TNS1: variants seen among roughly 807,000 people sequenced by gnomAD.
TNS1 encodes tensin 1.
Under a neutral mutation model 168.6 loss-of-function variants are expected in TNS1, and 62 were observed. The ratio of observed to expected loss-of-function variants is 0.37; its 90% CI spans 0.30 to 0.45. The LOEUF is 0.45. Ranked by LOEUF, TNS1 falls within the 20% of genes least tolerant of loss-of-function variation. The pLI is 1.00. For missense variants in TNS1, 2,240 were observed against 2,339.4 expected, an observed-to-expected ratio of 0.96 and a Z score of 0.88; for synonymous variants, 934 against 933.2, an observed-to-expected ratio of 1.00 and a Z score of -0.02.
chr2:217,943,158 G>A (rs1163545200), intron 3 of TNS1, among the ~76,000 whole-genome samples: 1 of 152,204 alleles, frequency 6.6e-6, no homozygotes. Flanking sequence ...TCTGCCCAGA[G>A]GGGTGAGGAA....
intron 10 of TNS1, 69 bp from the exon 11 acceptor site, chr2:217,893,081 A>G: frequency 2.5e-6 from 4 of 1,586,696 alleles, no homozygotes; most frequent in Admixed American, 1.7e-5. Flanking sequence ...GCTTATCTAG[A>G]AGCCTTGGTG....
At chr2:217,879,271 G>A (rs1292346889) in intron 18 of TNS1, 1 of 338,818 alleles carries the variant, frequency 3.0e-6, no homozygotes, top group Non-Finnish European at 5.9e-6. Flanking sequence ...GCACCAAGAA[G>A]AGATGGAGAG....
At chr2:217,929,525 C>T (rs1051139721) in intron 3 of TNS1, among the ~76,000 whole-genome samples, 1 of 152,166 alleles carries the variant, frequency 6.6e-6, no homozygotes. Context: ...GGCAAGGCCA[C>T]AGGGAAGCAC....
At chr2:217,811,080 A>G (rs1041571377) in intron 28 of TNS1, among the ~76,000 whole-genome samples, 4 of 152,044 alleles carry the variant, frequency 2.6e-5, no homozygotes, top group African/African-American at 4.8e-5. Flanking sequence ...GGGTCTTCTG[A>G]TATTCTACAG....
chr2:217,843,199 A>G (rs571416997), intron 19 of TNS1, among the ~76,000 whole-genome samples: 25 of 151,546 alleles, frequency 1.6e-4, no homozygotes, highest in African/African-American at 5.3e-4. Flanking sequence ...ATTTCCCTCT[A>G]TCTTTATCTA....
intron 18 of TNS1, among the ~76,000 whole-genome samples, chr2:217,866,603 C>T (rs1415578814): frequency 9.2e-5 from 14 of 152,212 alleles, no homozygotes; most frequent in Admixed American, 9.2e-4. Flanking sequence ...CAGTGAAATG[C>T]TGAAACTTAA....
intron 3 of TNS1, among the ~76,000 whole-genome samples, chr2:217,931,010 G>A (rs896838795): frequency 6.6e-6 from 1 of 152,138 alleles, no homozygotes; most frequent in African/African-American, 2.4e-5. Flanking sequence ...TGACAGGCGT[G>A]GGGAGCGAGA....
intron 2 of TNS1, among the ~76,000 whole-genome samples, chr2:217,983,480 G>GAATCT (rs1321771439): frequency 6.6e-6 from 1 of 152,138 alleles, no homozygotes; most frequent in Non-Finnish European, 1.5e-5. Context: ...CCCTTAGTGG[G>GAATCT]AAGGGACCCT....
intron 2 of TNS1, among the ~76,000 whole-genome samples, chr2:217,984,904 C>A (rs1268682037): frequency 1.3e-5 from 2 of 151,736 alleles, no homozygotes; most frequent in African/African-American, 4.8e-5. Context: ...TACAGGTGCT[C>A]GCCACCATAC....
chr2:217,852,153 AG>A (rs1297887386), intron 18 of TNS1, among the ~76,000 whole-genome samples: 2 of 152,116 alleles, frequency 1.3e-5, no homozygotes, highest in South Asian at 4.2e-4. Context: ...TCAAAAAAAA[AG>A]AAGAGACCCC....
chr2:217,818,782 G>C (rs752365508), intron 23 of TNS1, 23 bp from the exon 24 acceptor site: 4 of 1,573,416 alleles, frequency 2.5e-6, no homozygotes, highest in Non-Finnish European at 3.5e-6. Flanking sequence ...GGCAGGTTGC[G>C]ATGTCAGTGG....
intron 3 of TNS1, among the ~76,000 whole-genome samples, chr2:217,976,774 C>T (rs913194291): frequency 1.3e-5 from 2 of 152,246 alleles, no homozygotes; most frequent in African/African-American, 4.8e-5. Flanking sequence ...CAATCAGACC[C>T]TTCACTGCCC....
intron 19 of TNS1, among the ~76,000 whole-genome samples, chr2:217,844,571 C>T (rs139847091): frequency 6.6e-5 from 10 of 152,290 alleles, no homozygotes; most frequent in Non-Finnish European, 1.3e-4. Context: ...CCAGTGATCC[C>T]GTTTACTTTC....
At chr2:217,844,887 C>T (rs952552456) in intron 19 of TNS1, among the ~76,000 whole-genome samples, 2 of 152,198 alleles carry the variant, frequency 1.3e-5, no homozygotes, top group Admixed American at 1.3e-4. Flanking sequence ...CCAACTCTGA[C>T]TCTTATTTCT....
chr2:217,838,410 GT>G (rs1308286137), intron 19 of TNS1, among the ~76,000 whole-genome samples: 8 of 152,348 alleles, frequency 5.3e-5, no homozygotes, highest in African/African-American at 1.9e-4. Context: ...GCATGAGGCA[GT>G]CAGCCATCTG....
chr2:217,826,269 T>C (rs1943602364), intron 22 of TNS1, among the ~76,000 whole-genome samples: 1 of 152,216 alleles, frequency 6.6e-6, no homozygotes, highest in African/African-American at 2.4e-5. Flanking sequence ...TCCAGAACTG[T>C]TTAAAACCCA....
At chr2:217,890,902 G>A in intron 12 of TNS1, 60 bp downstream of exon 12, 2 of 1,566,014 alleles carry the variant, frequency 1.3e-6, no homozygotes, top group Non-Finnish European at 1.8e-6. Context: ...CACAAGTCTA[G>A]TCCCCACATA....
At chr2:217,857,062 A>G (rs1227359946) in intron 18 of TNS1, among the ~76,000 whole-genome samples, 2 of 152,182 alleles carry the variant, frequency 1.3e-5, no homozygotes, top group Admixed American at 1.3e-4. Flanking sequence ...CGGAGCCCAA[A>G]TCTCAATGTC....
At chr2:218,026,927 C>T (rs551632200) in intron 1 of TNS1, among the ~76,000 whole-genome samples, 3 of 152,346 alleles carry the variant, frequency 2.0e-5, no homozygotes, top group Non-Finnish European at 2.9e-5. Context: ...GCCAGCCACA[C>T]GAGGTGAGCT....
Sources: gnomAD v4.1 joint callset for allele counts (sites outside exome capture counted in the v4.1 genomes callset) on GRCh38, gnomAD v4.1.1 for gene constraint, MANE v1.5 for transcripts, NCBI Gene and HGNC (gene_info 2026-07-23, HGNC 2026-07-21) for gene names.